Variants in LRRC36 observed in about 807,000 individuals in gnomAD.
LRRC36 encodes the protein leucine rich repeat containing 36.
A neutral mutation model predicts 81.1 loss-of-function variants in LRRC36; 62 were observed. The observed-to-expected ratio is 0.76, with a 90% CI of 0.62 to 0.94. The LOEUF (loss-of-function observed/expected upper bound fraction) is 0.94, where lower values mean the gene tolerates loss of function less well. Among genes scored for constraint, LRRC36 ranks in the 40% least tolerant of loss-of-function variants. The probability of loss-of-function intolerance (pLI) is 0.00; values close to 1 mark genes in which losing one functional copy is unlikely to be tolerated. For synonymous variants in LRRC36, 334 were observed against 348.6 expected, an observed-to-expected ratio of 0.96 and a Z score of 0.47; for missense variants, 761 against 881.7, an observed-to-expected ratio of 0.86 and a Z score of 1.73.
At position 67,375,297 on chromosome 16, in the gene LRRC36, TC is replaced by T. The variant is rs1471620719; in HGVS notation, c.1551del (p.Ile518SerfsTer47). 1 of 1,611,870 alleles carries T rather than the reference TC, an allele frequency of 6.2e-7. No homozygotes were observed. The highest frequency in any genetic ancestry group is 2.2e-5 in the East Asian group (1 of 44,832). ...TGCACGGTTTGGCTGGAAACCACAGTCCCCCCATCTCTGCCAGAACCCCCCA... is the reference window on the plus strand; with the variant it reads ...TGCACGGTTTGGCTGGAAACCACAGTCCCCCATCTCTGCCAGAACCCCCCA... ...SLHGLAGNHS[P>X]PISARTPHVA... On this transcript the variant is annotated frameshift_variant, in exon 10 of 14. Coordinates refer to ENST00000329956, the MANE Select transcript of LRRC36 (RefSeq NM_018296.6). LOFTEE classifies it high-confidence loss of function.
chr16:67,335,181 C>T (rs1264390042), intron 1 of LRRC36, among the ~76,000 whole-genome samples: 1 of 152,158 alleles, frequency 6.6e-6, no homozygotes, highest in East Asian at 1.9e-4. Context: ...AGCCTGGGAG[C>T]ACTACGGGAG....
chr16:67,347,088 T>C (rs1031616790), intron 3 of LRRC36, among the ~76,000 whole-genome samples: 1 of 152,202 alleles, frequency 6.6e-6, no homozygotes, highest in Admixed American at 6.6e-5. Flanking sequence ...TTGCCCAGAC[T>C]GGACTTCCTT....
intron 5 of LRRC36, among the ~76,000 whole-genome samples, chr16:67,352,570 C>G (rs1178468226): frequency 6.6e-6 from 1 of 152,034 alleles, no homozygotes; most frequent in African/African-American, 2.4e-5. Context: ...TATCTTTGGG[C>G]TCTCCTGTTT....
chr16:67,349,578 A>T (rs1373669776), intron 4 of LRRC36, among the ~76,000 whole-genome samples: 1 of 152,152 alleles, frequency 6.6e-6, no homozygotes, highest in East Asian at 1.9e-4. Flanking sequence ...TTTTAATTCA[A>T]AAGAAACTGT....
At chr16:67,348,388 AC>A (rs2142026321) in intron 4 of LRRC36, 1 of 152,354 alleles carries the variant, frequency 6.6e-6, no homozygotes, top group Non-Finnish European at 1.5e-5. Flanking sequence ...AGAAAAAAAC[AC>A]AAGGGATAAA....
intron 2 of LRRC36, among the ~76,000 whole-genome samples, chr16:67,345,783 CTTTT>C (rs964643557): frequency 6.9e-6 from 1 of 145,722 alleles, no homozygotes; most frequent in East Asian, 2.0e-4. Context: ...CACACACACA[CTTTT>C]TTTTTTTTAA....
At chr16:67,370,857 C>T in intron 8 of LRRC36, 87 bp from the exon 9 acceptor site, 1 of 1,105,788 alleles carries the variant, frequency 9.0e-7, no homozygotes, top group Non-Finnish European at 1.3e-6. Flanking sequence ...GTTATTATGA[C>T]CCTTGGACTA....
At chr16:67,344,920 T>C (rs2038269855) in intron 2 of LRRC36, among the ~76,000 whole-genome samples, 1 of 152,136 alleles carries the variant, frequency 6.6e-6, no homozygotes. Context: ...AAATACATGA[T>C]GGAAAATAAT....
At chr16:67,375,151 G>A (rs1265810576) in intron 9 of LRRC36, 96 bp from the exon 10 acceptor site, 1 of 1,318,758 alleles carries the variant, frequency 7.6e-7, no homozygotes, top group Non-Finnish European at 1.1e-6. Context: ...AAAAAAAAAA[G>A]TCTCAATGTC....
intron 5 of LRRC36, among the ~76,000 whole-genome samples, chr16:67,358,169 T>TTG (rs911106277): frequency 2.0e-5 from 3 of 151,576 alleles, no homozygotes; most frequent in African/African-American, 7.3e-5. Flanking sequence ...GGCATCAGTT[T>TTG]TTTTTTTTTT....
chr16:67,331,989 A>G (rs187962615), intron 1 of LRRC36, among the ~76,000 whole-genome samples: 1 of 147,026 alleles, frequency 6.8e-6, no homozygotes, highest in African/African-American at 2.5e-5. Flanking sequence ...ACTCCATCTC[A>G]AAAAAAAAAA....
chr16:67,379,950 T>C (rs935638739), intron 12 of LRRC36, among the ~76,000 whole-genome samples: 3 of 152,168 alleles, frequency 2.0e-5, no homozygotes, highest in Admixed American at 6.6e-5. Context: ...ATACCATATT[T>C]ATCTATTTTG....
chr16:67,369,736 C>T (rs1316691701), intron 8 of LRRC36, among the ~76,000 whole-genome samples: 1 of 152,128 alleles, frequency 6.6e-6, no homozygotes, highest in East Asian at 1.9e-4. Flanking sequence ...GGCAAGAGAG[C>T]TTGTGTAGGG....
intron 1 of LRRC36, among the ~76,000 whole-genome samples, chr16:67,339,639 A>G (rs1227024530): frequency 2.0e-5 from 3 of 152,064 alleles, no homozygotes; most frequent in Non-Finnish European, 4.4e-5. Flanking sequence ...AAGGTTTTGG[A>G]GCTCCCTCTT....
In LRRC36 at chr16:67,347,578, G is replaced by C. The variant is rs760072157; in HGVS notation, c.475G>C (p.Glu159Gln). Residue 159 changes from glutamate to glutamine, a missense_variant, in exon 4 of 14, where the codon GAG becomes CAG. By Grantham distance (29) the Glu-to-Gln change is conservative (BLOSUM62 2). Around this residue, in one of 3 missense-constraint regions of LRRC36, gnomAD observed 263 missense variants for 279.3 expected, o/e 0.94. Coordinates refer to ENST00000329956, the MANE Select transcript of LRRC36 (RefSeq NM_018296.6). ...QLGNSENFLL[E>Q]VEKSSREKTM... ...GGGCAACAGTGAAAATTTTCTTTTA[G>C]AGGTGGAAAAAAGGTAAGAAGATTC... is the stretch of plus-strand genomic sequence containing the variant. 4 of 1,611,690 alleles carry C rather than the reference G, an allele frequency of 2.5e-6. No homozygotes were observed. The highest frequency in any genetic ancestry group is 1.7e-4 in the Middle Eastern group (1 of 6,036).
intron 6 of LRRC36, 95 bp downstream of exon 6, chr16:67,363,809 A>C: frequency 7.1e-7 from 1 of 1,417,474 alleles, no homozygotes. Flanking sequence ...GTCTCAGAGG[A>C]CTTGTTTGAT....
chr16:67,352,450 A>G (rs550548011), intron 5 of LRRC36, among the ~76,000 whole-genome samples: 1 of 152,130 alleles, frequency 6.6e-6, no homozygotes, highest in African/African-American at 2.4e-5. Flanking sequence ...TGGGCACTGA[A>G]CCTCCACTGT....
chr16:67,383,071 CAAAAAAAA>C lies in LRRC36; in HGVS notation c.2045+842_2045+849del, dbSNP rs59297593. 4.3e-4 allele frequency among the ~76,000 whole-genome samples: 19 copies of C among 44,372 alleles called. No homozygotes were observed. In the Admixed American group the frequency reaches 5.4e-3, roughly 13 times the overall value. The allele number at this position is 44,372 out of a possible 152,430, so 29.1% of individuals were successfully genotyped here. A position where few individuals can be genotyped will look rare whatever the true frequency, so the allele number is the denominator to read the frequency against. On this transcript the variant is annotated intron_variant, in intron 13 of 13. Transcript: ENST00000329956. The stretch of plus-strand genomic sequence containing the variant: ...CTGTCAACAGAGCGAGGCTCCGTCT[CAAAAAAAA>C]AAAAAAAAAAAAAAAAAGCAACCCC...
chr16:67,340,324 C>G (rs1233299936), intron 1 of LRRC36, among the ~76,000 whole-genome samples: 1 of 152,016 alleles, frequency 6.6e-6, no homozygotes, highest in Non-Finnish European at 1.5e-5. Context: ...TGAGTTCTTA[C>G]TGACAATTTT....
Sources: gnomAD v4.1 joint callset for allele counts (sites outside exome capture counted in the v4.1 genomes callset) on GRCh38, gnomAD v4.1.1 for gene constraint, gnomAD v4.1.1 regional missense constraint, MANE v1.5 for transcripts, NCBI Gene and HGNC (gene_info 2026-07-23, HGNC 2026-07-21) for gene names.